ZNF793: variants seen among roughly 807,000 people sequenced by gnomAD.
The protein encoded by ZNF793 is zinc finger protein 793.
Under a neutral mutation model 12.4 loss-of-function variants are expected in ZNF793, and 5 were observed. The observed-to-expected ratio is 0.40, with a 90% CI of 0.21 to 0.84. ZNF793 has a LOEUF of 0.84. Among genes scored for constraint, ZNF793 ranks in the 40% least tolerant of loss-of-function variants. ZNF793 has a pLI of 0.35. For synonymous variants in ZNF793, 162 were observed against 172.4 expected (o/e 0.94, Z 0.47); for missense variants, 456 against 495.0 (o/e 0.92, Z 0.75).
At chr19:37,520,353 A>C (rs1424734817) in intron 3 of ZNF793, 41 bp downstream of exon 3, 1 of 152,366 alleles carries the variant, frequency 6.6e-6, no homozygotes, top group African/African-American at 2.4e-5. Flanking sequence ...GTGCCTGGGC[A>C]GGCCAGGTTA....
At chr19:37,512,225 T>C (rs1445629274) in intron 2 of ZNF793, among the ~76,000 whole-genome samples, 1 of 152,074 alleles carries the variant, frequency 6.6e-6, no homozygotes, top group Non-Finnish European at 1.5e-5. Flanking sequence ...TTAGAAAAGT[T>C]ATAAGAATAG....
intron 5 of ZNF793, among the ~76,000 whole-genome samples, chr19:37,526,046 T>A (rs1268874673): frequency 6.6e-6 from 1 of 152,134 alleles, no homozygotes; most frequent in African/African-American, 2.4e-5. Context: ...GATGGTGCCA[T>A]CCCATCGGGC....
intron 2 of ZNF793, among the ~76,000 whole-genome samples, chr19:37,515,130 A>G (rs1226803504): frequency 3.3e-5 from 5 of 152,186 alleles, no homozygotes; most frequent in Admixed American, 6.5e-5. Context: ...TAATCAGGGA[A>G]TGAAATAAGA....
chr19:37,519,057 G>C (rs2042355582), intron 2 of ZNF793, among the ~76,000 whole-genome samples: 1 of 152,098 alleles, frequency 6.6e-6, no homozygotes, highest in African/African-American at 2.4e-5. Flanking sequence ...ACGAGGTCAG[G>C]AGATTGAGAC....
rs1162300091 is a variant in ZNF793 at position 37,543,130 on chromosome 19, C to G, written c.*5251C>G. On this transcript the variant is annotated 3_prime_UTR_variant, in exon 8 of 8. Coordinates refer to ENST00000627814, the MANE Select transcript of ZNF793 (RefSeq NM_001013659.3). ...ATTCTATTTTTAAAAAAAGTAAAAA[C>G]TCCTGTGTGTGTATATATGCATGTG... The G allele has an allele frequency of 6.6e-6, 1 of 152,018 alleles. No homozygotes were observed. Among genetic ancestry groups the G allele is most frequent in the Non-Finnish European group, 1.5e-5 (1 of 68,010 alleles). 9.4% of individuals were successfully genotyped at this position (152,018 alleles called of 1,614,324 possible). A position where few individuals can be genotyped will look rare whatever the true frequency, so the allele number is the denominator to read the frequency against.
intron 5 of ZNF793, among the ~76,000 whole-genome samples, chr19:37,525,024 A>G (rs960615831): frequency 6.6e-6 from 1 of 152,218 alleles, no homozygotes; most frequent in African/African-American, 2.4e-5. Flanking sequence ...TCTGTGTCAA[A>G]GCTGTAGGAA....
At chr19:37,524,095 A>C (rs1267665289) in intron 5 of ZNF793, among the ~76,000 whole-genome samples, 3 of 151,504 alleles carry the variant, frequency 2.0e-5, no homozygotes, top group African/African-American at 7.3e-5. Context: ...GGTTGCAGTG[A>C]GCCAAGATGG....
chr19:37,509,920 G>GT (rs757987020), intron 2 of ZNF793, among the ~76,000 whole-genome samples: 50 of 152,252 alleles, frequency 3.3e-4, no homozygotes, highest in Non-Finnish European at 6.9e-4. Flanking sequence ...AGTATTGTCT[G>GT]TTTTTGATCT....
At chr19:37,523,380 C>T in intron 4 of ZNF793, 30 bp from the exon 5 acceptor site, 2 of 1,565,470 alleles carry the variant, frequency 1.3e-6, no homozygotes, top group Admixed American at 1.7e-5. Context: ...TTCTCTCTTT[C>T]TCCATCTTCT....
In ZNF793 at chr19:37,540,576, C is replaced by T. The variant is rs2042545777; in HGVS notation, c.*2697C>T. ...TTTTCTTAAAAAAAATTTTTTTTAACCCAAACCCCAAAGCATATATTATGC... is the reference window on the plus strand; with the variant it reads ...TTTTCTTAAAAAAAATTTTTTTTAATCCAAACCCCAAAGCATATATTATGC... On this transcript the variant is annotated 3_prime_UTR_variant, in exon 8 of 8. Coordinates refer to ENST00000627814, the MANE Select transcript of ZNF793 (RefSeq NM_001013659.3). The T allele has an allele frequency of 9.4e-6, 1 of 105,878 alleles. No homozygotes were observed. Among genetic ancestry groups the T allele is most frequent in the East Asian group, 2.0e-4 (1 of 5,084 alleles). 6.6% of individuals were successfully genotyped at this position (105,878 alleles called of 1,614,324 possible). A position where few individuals can be genotyped will look rare whatever the true frequency, so the allele number is the denominator to read the frequency against.
chr19:37,510,795 C>T (rs1481756956), intron 2 of ZNF793, among the ~76,000 whole-genome samples: 1 of 151,614 alleles, frequency 6.6e-6, no homozygotes, highest in Non-Finnish European at 1.5e-5. Context: ...CTCCCAGGTT[C>T]ACACCAGTCT....
chr19:37,526,101 C>A (rs1290756533), intron 5 of ZNF793, among the ~76,000 whole-genome samples: 1 of 152,072 alleles, frequency 6.6e-6, no homozygotes, highest in Admixed American at 6.6e-5. Flanking sequence ...CCCTACTTTT[C>A]CCCCTCCTTC....
At chr19:37,536,548 C>T (rs929595126) in intron 7 of ZNF793, 2 of 411,722 alleles carry the variant, frequency 4.9e-6, no homozygotes, top group African/African-American at 4.1e-5. Flanking sequence ...CTTACGTTTA[C>T]ATGTTGTCTA....
In ZNF793 at chr19:37,540,918, A is replaced by G. The variant is rs1181765626; in HGVS notation, c.*3039A>G. On this transcript the variant is annotated 3_prime_UTR_variant, in exon 8 of 8. Transcript: ENST00000627814. Reference sequence around the variant, plus strand: ...ATATATGAAAAAAATCATACCATGTATAAAAACATCACATGTACCCAATAA... The same window carrying G: ...ATATATGAAAAAAATCATACCATGTGTAAAAACATCACATGTACCCAATAA... 2 of 152,046 alleles carry G rather than the reference A, an allele frequency of 1.3e-5. No homozygotes were observed. The highest frequency in any genetic ancestry group is 4.8e-5 in the African/African-American group (2 of 41,446). 9.4% of individuals were successfully genotyped at this position (152,046 alleles called of 1,614,324 possible).
chr19:37,535,454 G>A (rs187057488), intron 7 of ZNF793: 14 of 152,046 alleles, frequency 9.2e-5, no homozygotes, highest in East Asian at 7.7e-4. Context: ...ATATAATAAC[G>A]TTCATAAGAT....
intron 1 of ZNF793, among the ~76,000 whole-genome samples, chr19:37,507,548 T>C (rs1220829941): frequency 6.6e-6 from 1 of 152,184 alleles, no homozygotes; most frequent in East Asian, 1.9e-4. Flanking sequence ...TGATTGAGAC[T>C]TACTTCATAT....
Position 37,537,103 on chromosome 19 carries a change from A to G in ZNF793, c.445A>G (p.Asn149Asp), listed in dbSNP as rs768712768. 1.2e-6 allele frequency: 2 copies of G among 1,613,394 alleles called. No individual in the cohort carries two copies. The highest frequency in any genetic ancestry group is 1.7e-6 in the Non-Finnish European group (2 of 1,179,620). ...CCCTTGTGGAAAGAATTTGAACCAT[A>G]ATTTAGACTTGATTGGTTTTAAGAG... is the stretch of plus-strand genomic sequence containing the variant. ...WNPCGKNLNHNLDLIGFKRNC... is the reference protein window; with the variant it reads ...WNPCGKNLNHDLDLIGFKRNC... Residue 149 changes from asparagine (N) to aspartate (D), a missense_variant, in exon 8 of 8, where the codon AAT becomes GAT. Coordinates refer to ENST00000627814, the MANE Select transcript of ZNF793 (RefSeq NM_001013659.3).
At position 37,522,882 on chromosome 19, in the gene ZNF793, T is replaced by C. The variant is rs7250474; in HGVS notation, c.-31+235T>C. On this transcript the variant is annotated intron_variant, in intron 4 of 7. Coordinates refer to ENST00000627814, the MANE Select transcript of ZNF793 (RefSeq NM_001013659.3). ...AAGGCAAAGTTACTTCTTTTCCTTT[T>C]ATAATCATTAAATGTCTTGGGGTGT... 8.9e-3 allele frequency among the ~76,000 whole-genome samples: 1,361 copies of C among 152,332 alleles called. 23 individuals are homozygous for C. The highest frequency in any genetic ancestry group is 0.031 in the African/African-American group (1,308 of 41,574).
In ZNF793 at chr19:37,525,161, G is replaced by C. The variant is rs181900134; in HGVS notation, c.15+1707G>C. ...CTCTCTTTTTTTTTTTTTTGAGTTG[G>C]AGTCTTGCTCTCTGTCGCCCAGGCT... On this transcript the variant is annotated intron_variant, in intron 5 of 7. Coordinates refer to ENST00000627814, the MANE Select transcript of ZNF793 (RefSeq NM_001013659.3). Among the ~76,000 whole-genome samples, 44 of 151,034 alleles carry C rather than the reference G, an allele frequency of 2.9e-4. No individual in the cohort carries two copies. The East Asian group carries it at 8.3e-3, about 29-fold the overall frequency.
Sources: allele counts gnomAD v4.1 joint callset (sites outside exome capture counted in the v4.1 genomes callset), GRCh38; gene constraint gnomAD v4.1.1; transcripts MANE v1.5; gene names NCBI Gene and HGNC (gene_info 2026-07-23, HGNC 2026-07-21).